Variants in TBC1D22A observed in about 807,000 individuals in gnomAD.
The protein encoded by TBC1D22A is TBC1 domain family member 22A.
TBC1D22A carries 38 observed loss-of-function variants against 60.2 expected under a neutral mutation model. The ratio of observed to expected loss-of-function variants is 0.63; its 90% CI spans 0.49 to 0.83. TBC1D22A has a LOEUF of 0.83. Ranked by LOEUF, TBC1D22A falls within the 40% of genes least tolerant of loss-of-function variation. TBC1D22A has a pLI of 0.00. For synonymous variants in TBC1D22A, 302 were observed against 281.7 expected (o/e 1.07, Z -0.72); for missense variants, 628 against 701.0 (o/e 0.90, Z 1.18).
chr22:46,763,955 A>C (rs2083198965), intron 1 of TBC1D22A: 1 of 152,228 alleles, frequency 6.6e-6, no homozygotes, highest in Non-Finnish European at 1.5e-5. Context: ...TTAGCTGGGC[A>C]TGGTGGCACA....
At chr22:46,908,153 A>G (rs1052671175) in intron 7 of TBC1D22A, among the ~76,000 whole-genome samples, 1 of 152,168 alleles carries the variant, frequency 6.6e-6, no homozygotes, top group African/African-American at 2.4e-5. Context: ...GATGTGGAGC[A>G]TGGGGGTGTT....
chr22:47,022,249 G>C (rs1340081351), intron 10 of TBC1D22A, among the ~76,000 whole-genome samples: 1 of 152,188 alleles, frequency 6.6e-6, no homozygotes, highest in Admixed American at 6.5e-5. Flanking sequence ...TCTGCTGCTT[G>C]AATCAACTGA....
intron 12 of TBC1D22A, among the ~76,000 whole-genome samples, chr22:47,122,780 C>T (rs2147761638): frequency 6.6e-6 from 1 of 152,348 alleles, no homozygotes; most frequent in East Asian, 1.9e-4. Context: ...GGCATCCCTC[C>T]TCACCCGTCC....
chr22:46,773,897 C>T (rs2083592175), intron 1 of TBC1D22A: 2 of 980,902 alleles, frequency 2.0e-6, no homozygotes, highest in African/African-American at 1.7e-5. Context: ...CCACACAGCT[C>T]ATAAGTGGCA....
chr22:46,981,048 T>G (rs61335787), intron 9 of TBC1D22A, among the ~76,000 whole-genome samples: 4,227 of 152,170 alleles, frequency 0.028, 217 homozygotes, highest in African/African-American at 0.096. Context: ...TTAACCAAAG[T>G]AATAGTTAGG....
At chr22:47,149,399 A>G (rs2067415372) in intron 12 of TBC1D22A, among the ~76,000 whole-genome samples, 1 of 152,234 alleles carries the variant, frequency 6.6e-6, no homozygotes, top group Non-Finnish European at 1.5e-5. Flanking sequence ...GCCACACAGT[A>G]TTTATCCCTG....
At chr22:47,154,054 C>G (rs879896582) in intron 12 of TBC1D22A, among the ~76,000 whole-genome samples, 2 of 152,026 alleles carry the variant, frequency 1.3e-5, no homozygotes, top group East Asian at 1.9e-4. Context: ...GCTGTGACTG[C>G]GAGTGGATGA....
chr22:47,149,062 G>A (rs1196298099), intron 12 of TBC1D22A, among the ~76,000 whole-genome samples: 2 of 152,204 alleles, frequency 1.3e-5, no homozygotes, highest in Non-Finnish European at 2.9e-5. Flanking sequence ...GAGTAAGTGT[G>A]GGAGTGGAGG....
chr22:47,016,136 T>C (rs1383458396), intron 10 of TBC1D22A, among the ~76,000 whole-genome samples: 1 of 152,124 alleles, frequency 6.6e-6, no homozygotes, highest in Non-Finnish European at 1.5e-5. Flanking sequence ...GGGTGCCTGG[T>C]TGTTAAGATT....
chr22:46,992,791 G>T (rs1235601961), intron 9 of TBC1D22A, among the ~76,000 whole-genome samples: 1 of 152,232 alleles, frequency 6.6e-6, no homozygotes, highest in Non-Finnish European at 1.5e-5. Flanking sequence ...TCCTTGCGTG[G>T]TCAGAGCCCA....
chr22:46,844,931 A>G (rs1354690175), intron 4 of TBC1D22A, among the ~76,000 whole-genome samples: 6 of 152,166 alleles, frequency 3.9e-5, no homozygotes, highest in Non-Finnish European at 8.8e-5. Context: ...GTCCTGTGCC[A>G]TAGTCAGATT....
At chr22:46,768,208 GGC>G (rs2083351947) in intron 1 of TBC1D22A, 1 of 152,596 alleles carries the variant, frequency 6.6e-6, no homozygotes, top group South Asian at 2.1e-4. Flanking sequence ...GGTTTGGCCG[GGC>G]GCGGTGGCTC....
At chr22:47,172,439 A>G (rs2068519207) in intron 12 of TBC1D22A, among the ~76,000 whole-genome samples, 1 of 152,262 alleles carries the variant, frequency 6.6e-6, no homozygotes, top group Non-Finnish European at 1.5e-5. Context: ...TTTTAAAAAT[A>G]CACATGTAAG....
intron 7 of TBC1D22A, among the ~76,000 whole-genome samples, chr22:46,897,640 G>GT (rs1210846664): frequency 2.4e-4 from 26 of 108,404 alleles, no homozygotes; most frequent in African/African-American, 5.9e-4. Flanking sequence ...GTTTCGTTTT[G>GT]TTTTTTTTTG....
At chr22:46,779,525 C>A (rs1220058919) in intron 1 of TBC1D22A, among the ~76,000 whole-genome samples, 1 of 152,146 alleles carries the variant, frequency 6.6e-6, no homozygotes, top group African/African-American at 2.4e-5. Flanking sequence ...TCCCAAAGAG[C>A]TGGAATTACA....
At chr22:46,803,790 A>T (rs1024490079) in intron 4 of TBC1D22A, among the ~76,000 whole-genome samples, 1 of 152,174 alleles carries the variant, frequency 6.6e-6, no homozygotes, top group Admixed American at 6.5e-5. Context: ...AGAACTGCTG[A>T]ATGCAGAGGC....
At chr22:47,032,340 C>T (rs921039574) in intron 10 of TBC1D22A, among the ~76,000 whole-genome samples, 4 of 152,236 alleles carry the variant, frequency 2.6e-5, no homozygotes, top group African/African-American at 4.8e-5. Flanking sequence ...GGACAAAGTC[C>T]CTGCCCTCGA....
At chr22:46,857,238 C>T (rs1261828266) in intron 4 of TBC1D22A, among the ~76,000 whole-genome samples, 2 of 152,240 alleles carry the variant, frequency 1.3e-5, no homozygotes, top group African/African-American at 4.8e-5. Context: ...GGCCTGGGGT[C>T]TCTGGGAGAG....
chr22:46,883,651 T>C (rs2067963321), intron 5 of TBC1D22A, among the ~76,000 whole-genome samples: 1 of 152,228 alleles, frequency 6.6e-6, no homozygotes, highest in Non-Finnish European at 1.5e-5. Context: ...CTGAACGCAG[T>C]TGATGTCAGG....
Sources: gnomAD v4.1 joint callset for allele counts (sites outside exome capture counted in the v4.1 genomes callset) on GRCh38, gnomAD v4.1.1 for gene constraint, MANE v1.5 for transcripts, NCBI Gene and HGNC (gene_info 2026-07-23, HGNC 2026-07-21) for gene names.